Variants in DLG2 observed in about 807,000 individuals in gnomAD.
DLG2 encodes the protein disks large homolog 2.
DLG2 carries 45 observed loss-of-function variants against 132.5 expected under a neutral mutation model. The observed-to-expected ratio is 0.34, with a 90% CI of 0.27 to 0.44. The LOEUF (loss-of-function observed/expected upper bound fraction) is 0.44, where lower values mean the gene tolerates loss of function less well. DLG2 is among the 20% of genes least tolerant of loss of function. The pLI is 1.00. For missense variants in DLG2, 1,045 were observed against 1,196.9 expected, an observed-to-expected ratio of 0.87 and a Z score of 1.87; for synonymous variants, 424 against 419.6, an observed-to-expected ratio of 1.01 and a Z score of -0.13.
chr11:85,092,124 T>C (rs998540200), intron 6 of DLG2, among the ~76,000 whole-genome samples: 4 of 152,226 alleles, frequency 2.6e-5, no homozygotes, highest in Admixed American at 1.3e-4. Flanking sequence ...ATTGCGTTAG[T>C]AGGCATGAAA....
chr11:84,259,479 A>G (rs1282713877), intron 7 of DLG2, among the ~76,000 whole-genome samples: 5 of 152,120 alleles, frequency 3.3e-5, no homozygotes, highest in Non-Finnish European at 7.4e-5. Context: ...CTACGGAGAC[A>G]TAAGACCGCT....
chr11:84,981,468 C>T (rs2055728628), intron 6 of DLG2, among the ~76,000 whole-genome samples: 1 of 152,126 alleles, frequency 6.6e-6, no homozygotes, highest in Non-Finnish European at 1.5e-5. Context: ...ACAGCTGCTG[C>T]ACCAAACCCA....
intron 20 of DLG2, among the ~76,000 whole-genome samples, chr11:83,536,565 GTTT>G (rs71066048): frequency 1.4e-5 from 2 of 142,324 alleles, no homozygotes; most frequent in African/African-American, 5.1e-5. Context: ...ATAACGTGGT[GTTT>G]TTTTTTTTTT....
intron 4 of DLG2, among the ~76,000 whole-genome samples, chr11:85,197,471 A>T (rs1266018008): frequency 1.3e-5 from 2 of 152,230 alleles, no homozygotes; most frequent in African/African-American, 4.8e-5. Context: ...GTGTATTAAG[A>T]AATCTTGACA....
chr11:83,578,075 T>TACACACACAC (rs148521282), intron 19 of DLG2, among the ~76,000 whole-genome samples: 4,382 of 135,022 alleles, frequency 0.032, 127 homozygotes, highest in South Asian at 0.11. Context: ...TATATATGTA[T>TACACACACAC]ACACACACAC....
intron 19 of DLG2, among the ~76,000 whole-genome samples, chr11:83,600,263 G>A (rs942409473): frequency 2.0e-5 from 3 of 151,784 alleles, no homozygotes; most frequent in Admixed American, 1.3e-4. Flanking sequence ...GTGTGTGTGT[G>A]TGTGTATGAC....
intron 6 of DLG2, among the ~76,000 whole-genome samples, chr11:84,944,856 A>AG (rs1172769548): frequency 6.6e-6 from 1 of 151,430 alleles, no homozygotes; most frequent in Non-Finnish European, 1.5e-5. Flanking sequence ...TGCCCACCTC[A>AG]CCTCCCAAAG....
intron 7 of DLG2, among the ~76,000 whole-genome samples, chr11:84,274,326 G>A (rs953703382): frequency 6.6e-6 from 1 of 152,120 alleles, no homozygotes; most frequent in Non-Finnish European, 1.5e-5. Context: ...CGTACTCTAA[G>A]GGCTGGTTGC....
intron 15 of DLG2, among the ~76,000 whole-genome samples, chr11:83,925,456 CTG>C (rs1380973902): frequency 1.3e-5 from 2 of 152,068 alleles, no homozygotes; most frequent in Non-Finnish European, 2.9e-5. Flanking sequence ...ATTTGAGAAA[CTG>C]AGGCCTTTTA....
At chr11:83,587,849 G>A (rs549773152) in intron 19 of DLG2, among the ~76,000 whole-genome samples, 18 of 152,298 alleles carry the variant, frequency 1.2e-4, no homozygotes, top group Non-Finnish European at 2.2e-4. Context: ...GGGTCAGGGA[G>A]TTCCCTTTCT....
intron 4 of DLG2, among the ~76,000 whole-genome samples, chr11:85,256,271 C>T (rs1007358066): frequency 3.3e-5 from 5 of 152,074 alleles, no homozygotes; most frequent in East Asian, 1.9e-4. Flanking sequence ...AAAAGGAGTT[C>T]GGCTAGGGAT....
chr11:84,220,660 T>G (rs984600630), intron 8 of DLG2, among the ~76,000 whole-genome samples: 2 of 152,046 alleles, frequency 1.3e-5, no homozygotes, highest in East Asian at 1.9e-4. Flanking sequence ...AAAGCTCAAT[T>G]ATGTATAAAA....
chr11:83,862,602 T>C (rs2061629170), intron 16 of DLG2, among the ~76,000 whole-genome samples: 1 of 152,044 alleles, frequency 6.6e-6, no homozygotes, highest in South Asian at 2.1e-4. Context: ...AAGTGCATAA[T>C]TGGATTGTTT....
chr11:85,164,558 T>C (rs1442028212), intron 4 of DLG2, among the ~76,000 whole-genome samples: 2 of 152,192 alleles, frequency 1.3e-5, no homozygotes, highest in African/African-American at 2.4e-5. Flanking sequence ...CTTCTATTCT[T>C]CCTTCATTTA....
At chr11:84,093,202 G>GTGAGAA (rs1419567428) in intron 10 of DLG2, among the ~76,000 whole-genome samples, 5 of 152,150 alleles carry the variant, frequency 3.3e-5, no homozygotes, top group Non-Finnish European at 7.3e-5. Context: ...GTATCAAGAT[G>GTGAGAA]TCAGCTGAGC....
At chr11:84,323,114 A>G (rs1029395668) in intron 7 of DLG2, among the ~76,000 whole-genome samples, 4 of 152,132 alleles carry the variant, frequency 2.6e-5, no homozygotes, top group African/African-American at 9.7e-5. Flanking sequence ...GCTTTTAACT[A>G]TAAGCACAAG....
chr11:85,334,846 T>A (rs2082016717), intron 3 of DLG2, among the ~76,000 whole-genome samples: 1 of 152,200 alleles, frequency 6.6e-6, no homozygotes, highest in South Asian at 2.1e-4. Context: ...TGGCTGAGCA[T>A]GTGGTCAATT....
chr11:84,689,345 T>C (rs1321458129), intron 6 of DLG2, among the ~76,000 whole-genome samples: 1 of 151,920 alleles, frequency 6.6e-6, no homozygotes, highest in Non-Finnish European at 1.5e-5. Flanking sequence ...ATACTTTGAA[T>C]GTATTAATGA....
At chr11:83,625,932 T>C (rs945341770) in intron 19 of DLG2, among the ~76,000 whole-genome samples, 3 of 152,166 alleles carry the variant, frequency 2.0e-5, no homozygotes, top group Non-Finnish European at 4.4e-5. Flanking sequence ...TCAAATACCT[T>C]GGCTTATATT....
Sources: gnomAD v4.1 joint callset for allele counts (sites outside exome capture counted in the v4.1 genomes callset) on GRCh38, gnomAD v4.1.1 for gene constraint, MANE v1.5 for transcripts, NCBI Gene and HGNC (gene_info 2026-07-23, HGNC 2026-07-21) for gene names.